The following IL1RAPL1 variants were observed in gnomAD, a reference collection of about 807,000 sequenced individuals.
IL1RAPL1 encodes the protein interleukin-1 receptor accessory protein-like 1.
A neutral mutation model predicts 48.4 loss-of-function variants in IL1RAPL1; 3 were observed. That is an observed-to-expected ratio of 0.06 (90% CI 0.03 to 0.16). The LOEUF is 0.16. Ranked by LOEUF, IL1RAPL1 falls within the 10% of genes least tolerant of loss-of-function variation. The pLI, the probability that IL1RAPL1 is intolerant of heterozygous loss-of-function variation, is 1.00. For missense variants in IL1RAPL1, 349 were observed against 530.6 expected (o/e 0.66, Z 3.36); for synonymous variants, 185 against 187.7 (o/e 0.99, Z 0.12).
chrX:29,889,971 T>C (rs766388334), intron 6 of IL1RAPL1, among the ~76,000 whole-genome samples: 2 of 111,164 alleles, frequency 1.8e-5, no homozygotes, highest in East Asian at 5.6e-4. Flanking sequence ...TTATATCATA[T>C]ATATATTACA....
intron 2 of IL1RAPL1, among the ~76,000 whole-genome samples, chrX:28,946,483 T>C (rs963676728): frequency 1.8e-5 from 2 of 111,151 alleles, no homozygotes; most frequent in African/African-American, 6.5e-5. Flanking sequence ...GATTAAAATA[T>C]GCAAAAATAT....
intron 3 of IL1RAPL1, among the ~76,000 whole-genome samples, chrX:29,316,129 C>T (rs759858424): frequency 4.5e-5 from 5 of 112,195 alleles, no homozygotes; most frequent in South Asian, 3.7e-4. Context: ...TTAACAGTCT[C>T]CTCCTTTGTA....
chrX:29,536,516 G>A (rs1921237778), intron 5 of IL1RAPL1, among the ~76,000 whole-genome samples: 1 of 111,499 alleles, frequency 9.0e-6, no homozygotes, highest in Admixed American at 9.5e-5. Context: ...AAAAATGTTT[G>A]TGGTGAGAAT....
intron 2 of IL1RAPL1, among the ~76,000 whole-genome samples, chrX:29,088,251 T>C (rs1243125008): frequency 8.9e-6 from 1 of 112,233 alleles, no homozygotes; most frequent in Non-Finnish European, 1.9e-5. Flanking sequence ...AAATATTTTC[T>C]ATGTTGAATT....
At chrX:29,381,834 ATATATATATAT>A (rs546620225) in intron 3 of IL1RAPL1, among the ~76,000 whole-genome samples, 2 of 18,420 alleles carry the variant, frequency 1.1e-4, no homozygotes, top group African/African-American at 2.9e-4. Flanking sequence ...AAAAAAAAAA[ATATATATATAT>A]ATATATATAT....
chrX:28,620,725 A>G (rs1934275198), intron 1 of IL1RAPL1, among the ~76,000 whole-genome samples: 1 of 111,954 alleles, frequency 8.9e-6, no homozygotes, highest in South Asian at 3.7e-4. Flanking sequence ...TTTTCATTCC[A>G]TCTTTCCAAT....
At chrX:28,768,763 A>C (rs1222758678) in intron 1 of IL1RAPL1, among the ~76,000 whole-genome samples, 158 of 78,347 alleles carry the variant, frequency 2.0e-3, no homozygotes, top group Admixed American at 3.8e-3. Context: ...CTCTATATAT[A>C]TATATATATA....
At chrX:29,654,706 A>T (rs755409318) in intron 5 of IL1RAPL1, among the ~76,000 whole-genome samples, 3 of 111,885 alleles carry the variant, frequency 2.7e-5, no homozygotes, top group African/African-American at 9.7e-5. Flanking sequence ...GACACAGCCA[A>T]ACCATATCAG....
At chrX:28,649,034 T>C (rs1012744637) in intron 1 of IL1RAPL1, among the ~76,000 whole-genome samples, 5 of 112,079 alleles carry the variant, frequency 4.5e-5, no homozygotes, top group Non-Finnish European at 9.4e-5. Context: ...ATTAACTTAT[T>C]ATTGTCATGG....
chrX:29,372,644 A>G (rs1426632077), intron 3 of IL1RAPL1, among the ~76,000 whole-genome samples: 1 of 111,026 alleles, frequency 9.0e-6, no homozygotes, highest in South Asian at 3.7e-4. Flanking sequence ...CTAGCCAGTT[A>G]TCCCAGCACC....
intron 2 of IL1RAPL1, among the ~76,000 whole-genome samples, chrX:29,055,949 T>A (rs962463817): frequency 4.5e-5 from 5 of 111,920 alleles, no homozygotes; most frequent in Non-Finnish European, 9.4e-5. Context: ...ATAAACTCAC[T>A]TGAGTAATTA....
At chrX:29,391,605 T>C (rs1395384838) in intron 3 of IL1RAPL1, among the ~76,000 whole-genome samples, 2 of 111,942 alleles carry the variant, frequency 1.8e-5, no homozygotes, top group African/African-American at 6.5e-5. Flanking sequence ...CTTGGGTCAT[T>C]AAAGTCCTGA....
rs766808740 is a variant in IL1RAPL1 at position 29,396,708 on chromosome X, T to C, written c.549+264T>C. Among the ~76,000 whole-genome samples the C allele has an allele frequency of 5.4e-5, 6 of 112,086 alleles. No individual in the cohort carries two copies. The Admixed American group carries it at 5.7e-4, about 11-fold the overall frequency. ...TTTCCATGGACAATTCTTTCAAGTC[T>C]ACTATGGTCTGGGTTGATAATTTCA... is the stretch of plus-strand genomic sequence containing the variant. On this transcript the variant is annotated intron_variant, in intron 4 of 10. Transcript: ENST00000378993.
intron 5 of IL1RAPL1, among the ~76,000 whole-genome samples, chrX:29,433,506 A>C (rs1934445307): frequency 9.0e-6 from 1 of 111,162 alleles, no homozygotes; most frequent in African/African-American, 3.3e-5. Context: ...CTTTAGAAAT[A>C]ATTTTTCAAA....
At chrX:29,352,321 T>C (rs1358637096) in intron 3 of IL1RAPL1, among the ~76,000 whole-genome samples, 1 of 111,262 alleles carries the variant, frequency 9.0e-6, no homozygotes, top group African/African-American at 3.3e-5. Flanking sequence ...TTTGTGGGGA[T>C]TCTCTGAGGC....
intron 6 of IL1RAPL1, among the ~76,000 whole-genome samples, chrX:29,753,230 A>G (rs1013392292): frequency 1.7e-4 from 19 of 111,755 alleles, no homozygotes; most frequent in Admixed American, 1.6e-3. Flanking sequence ...ACCTCACTCT[A>G]GTAGGTGTTT....
At chrX:28,814,367 G>C (rs1569178640) in intron 2 of IL1RAPL1, among the ~76,000 whole-genome samples, 1 of 108,472 alleles carries the variant, frequency 9.2e-6, no homozygotes. Flanking sequence ...GTGTGTGTGT[G>C]TGTGTGTGTG....
intron 2 of IL1RAPL1, among the ~76,000 whole-genome samples, chrX:28,937,042 A>G (rs147424326): frequency 2.7e-5 from 3 of 111,044 alleles, no homozygotes; most frequent in African/African-American, 9.8e-5. Context: ...ATCCTGTGTA[A>G]AGTTGATGAA....
At chrX:28,737,114 TTTCCTTCCTTCC>T (rs546731314) in intron 1 of IL1RAPL1, among the ~76,000 whole-genome samples, 947 of 36,209 alleles carry the variant, frequency 0.026, 21 homozygotes, top group Non-Finnish European at 0.035. Context: ...TTTCTCTTCT[TTTCCTTCCTTCC>T]TTCCTTCCTT....
Sources: gnomAD v4.1 joint callset for allele counts (sites outside exome capture counted in the v4.1 genomes callset) on GRCh38, gnomAD v4.1.1 for gene constraint, MANE v1.5 for transcripts, NCBI Gene and HGNC (gene_info 2026-07-23, HGNC 2026-07-21) for gene names.